POLI: variants seen among roughly 807,000 people sequenced by gnomAD.
The protein encoded by POLI is RAD30 homolog B.
A neutral mutation model predicts 51.6 loss-of-function variants in POLI; 58 were observed. The observed-to-expected ratio is 1.12, with a 90% CI of 0.91 to 1.40. The LOEUF is 1.40. Among genes scored for constraint, POLI ranks in the 40% most tolerant of loss-of-function variants. The probability of loss-of-function intolerance (pLI) is 0.00; values close to 1 mark genes in which losing one functional copy is unlikely to be tolerated. For missense variants in POLI, 921 were observed against 871.3 expected, an observed-to-expected ratio of 1.06 and a Z score of -0.72; for synonymous variants, 322 against 299.7, an observed-to-expected ratio of 1.07 and a Z score of -0.77.
chr18:54,310,296 C>G (rs1378695922), intron 3 of POLI, among the ~76,000 whole-genome samples: 3 of 152,156 alleles, frequency 2.0e-5, no homozygotes, highest in African/African-American at 7.2e-5. Flanking sequence ...GAAGATAGTC[C>G]TTCAAGGTTC....
Position 54,294,768 on chromosome 18 carries a change from A to T in POLI, c.*301A>T. ...AATTGGTGGGGAGATGTATATGTTT[A>T]TATATAAAAAATAGCCAAATCGTTG... On this transcript the variant is annotated 3_prime_UTR_variant, in exon 10 of 10. Coordinates refer to ENST00000579534, the MANE Select transcript of POLI (RefSeq NM_007195.3). The T allele has an allele frequency of 1.3e-5, 13 of 990,944 alleles. No homozygotes were observed. The highest frequency in any genetic ancestry group is 1.6e-5 in the Non-Finnish European group (13 of 828,388). The allele number at this position is 990,944 out of a possible 1,614,324, so 61.4% of individuals were successfully genotyped here.
chr18:54,292,144 C>G (rs1440973241), intron 9 of POLI, 106 bp downstream of exon 9: 1 of 698,436 alleles, frequency 1.4e-6, no homozygotes, highest in Non-Finnish European at 2.4e-6. Context: ...TTTAGAGATT[C>G]TTTTGGGTGA....
chr18:54,287,353 T>C lies in POLI; in HGVS notation c.1140T>C (p.Tyr380=), dbSNP rs764357348. The C allele has an allele frequency of 6.2e-6, 10 of 1,600,656 alleles. No individual in the cohort carries two copies. Among genetic ancestry groups the C allele is most frequent in the South Asian group, 1.1e-5 (1 of 89,352 alleles). The part of the protein sequence containing the change: ...IIRRYSSEKH[Y]GRESRQCPIP... The stretch of plus-strand genomic sequence containing the variant: ...GTCGGTATTCCTCTGAGAAGCACTA[T>C]GGTCGTGAGAGTCGTCAGTGCCCTA... The change falls in exon 8 of 10, where the codon TAT becomes TAC. Residue 380 remains tyrosine, a synonymous_variant. Coordinates refer to ENST00000579534, the MANE Select transcript of POLI (RefSeq NM_007195.3).
chr18:54,319,553 GA>G (rs2088770741), intron 3 of POLI, among the ~76,000 whole-genome samples: 1 of 152,090 alleles, frequency 6.6e-6, no homozygotes, highest in Admixed American at 6.6e-5. Flanking sequence ...AAGATTTATA[GA>G]AAAATCTAAG....
intron 3 of POLI, among the ~76,000 whole-genome samples, chr18:54,274,375 A>C (rs1230746444): frequency 6.6e-6 from 1 of 152,078 alleles, no homozygotes; most frequent in Non-Finnish European, 1.5e-5. Flanking sequence ...AGAAAATGGG[A>C]AACTGTACTG....
chr18:54,303,924 C>T (rs12955457), intron 3 of POLI, among the ~76,000 whole-genome samples: 49,767 of 149,532 alleles, frequency 0.33, 9,538 homozygotes, highest in East Asian at 0.64. Flanking sequence ...CCCCCCACCC[C>T]ACAATGGCCC....
chr18:54,274,122 T>C (rs1456201842), intron 3 of POLI, 32 bp downstream of exon 3: 1 of 1,202,638 alleles, frequency 8.3e-7, no homozygotes, highest in South Asian at 2.7e-5. Flanking sequence ...CTTTTAGCAT[T>C]AATTTTTATG....
chr18:54,283,029 C>A lies in POLI; in HGVS notation c.975+14C>A, dbSNP rs567066701. 4 of 1,531,804 alleles carry A rather than the reference C, an allele frequency of 2.6e-6. No individual in the cohort carries two copies. Among genetic ancestry groups the A allele is most frequent in the Non-Finnish European group, 2.7e-6 (3 of 1,117,786 alleles). 94.9% of individuals were successfully genotyped at this position (1,531,804 alleles called of 1,614,324 possible). A position where few individuals can be genotyped will look rare whatever the true frequency, so the allele number is the denominator to read the frequency against. On this transcript the variant is annotated intron_variant, in intron 6 of 9. Transcript: ENST00000579534. ...GGACCACCTCAGGTACATGATGATA[C>A]TTATTTTAATTAAGTACTGGTTATC... is the stretch of plus-strand genomic sequence containing the variant.
rs755459259 is a variant in POLI at position 54,291,924 on chromosome 18, T to A, written c.1290T>A (p.Leu430=). The A allele has an allele frequency of 6.2e-7, 1 of 1,609,370 alleles. No individual in the cohort carries two copies. The highest frequency in any genetic ancestry group is 1.3e-5 in the African/African-American group (1 of 74,804). The change falls in exon 9 of 10, where the codon CTT becomes CTA. Residue 430 remains leucine, a synonymous_variant. Transcript: ENST00000579534. ...VNVKMPFHLT[L]LSVCFCNLKA... ...TGAAGATGCCATTTCACCTTACCCT[T>A]CTAAGTGTGTGCTTCTGCAACCTTA...
At chr18:54,281,002 G>T (rs2087475526) in intron 5 of POLI, 99 bp downstream of exon 5, 2 of 678,692 alleles carry the variant, frequency 2.9e-6, no homozygotes, top group South Asian at 4.4e-5. Flanking sequence ...AGGTAGAGTT[G>T]TCTGTGAGTT....
At chr18:54,315,046 T>C (rs2088715448) in intron 3 of POLI, among the ~76,000 whole-genome samples, 1 of 152,164 alleles carries the variant, frequency 6.6e-6, no homozygotes, top group African/African-American at 2.4e-5. Flanking sequence ...TTCCTCTTCA[T>C]GTAATGTTAG....
chr18:54,281,143 G>A (rs1313611694), intron 5 of POLI, among the ~76,000 whole-genome samples: 1 of 152,062 alleles, frequency 6.6e-6, no homozygotes, highest in African/African-American at 2.4e-5. Flanking sequence ...CTTTTGTATG[G>A]TTAGAATATG....
rs2144597030 is a variant in POLI at position 54,293,804 on chromosome 18, C to T, written c.1560C>T (p.Leu520=). 1 of 1,608,078 alleles carries T rather than the reference C, an allele frequency of 6.2e-7. No individual in the cohort carries two copies. Among genetic ancestry groups the T allele is most frequent in the Non-Finnish European group, 8.5e-7 (1 of 1,176,578 alleles). ...AAAAAGACATTAATGAATTCCCACTCTGTTCACTTCCTGAAGGTGTTGACC... is the reference window on the plus strand; with the variant it reads ...AAAAAGACATTAATGAATTCCCACTTTGTTCACTTCCTGAAGGTGTTGACC... The part of the protein sequence containing the change: ...SKEKDINEFP[L]CSLPEGVDQE... Residue 520 remains leucine, a synonymous_variant, in exon 10 of 10, where the codon CTC becomes CTT. Transcript: ENST00000579534.
Position 54,293,793 on chromosome 18 carries a change from G to A in POLI, c.1549G>A (p.Glu517Lys). ...TTTTTCTAAAGAAAAAGACATTAATGAATTCCCACTCTGTTCACTTCCTGA... is the reference window on the plus strand; with the variant it reads ...TTTTTCTAAAGAAAAAGACATTAATAAATTCCCACTCTGTTCACTTCCTGA... ...TNFSKEKDIN[E>K]FPLCSLPEGV... The change falls in exon 10 of 10, where the codon GAA becomes AAA. Residue 517 changes from glutamate (E) to lysine (K), a missense_variant. Transcript: ENST00000579534. The A allele has an allele frequency of 1.2e-6, 2 of 1,606,818 alleles. No individual in the cohort carries two copies. The highest frequency in any genetic ancestry group is 2.2e-5 in the South Asian group (2 of 90,010).
At position 54,282,796 on chromosome 18, in the gene POLI, G is replaced by T. The variant is rs772911526; in HGVS notation, c.797-41G>T. 7.3e-6 allele frequency: 8 copies of T among 1,095,714 alleles called. No homozygotes were observed. The African/African-American group carries it at 1.1e-4, about 15-fold the overall frequency. 67.9% of individuals were successfully genotyped at this position (1,095,714 alleles called of 1,614,324 possible). ...ATTTTAATTAGCTTTGTTTTAAGGA[G>T]AAAAGCTATTTTAACATTGTATGCA... is the stretch of plus-strand genomic sequence containing the variant. On this transcript the variant is annotated intron_variant, in intron 5 of 9. Coordinates refer to ENST00000579534, the MANE Select transcript of POLI (RefSeq NM_007195.3).
intron 3 of POLI, among the ~76,000 whole-genome samples, chr18:54,313,828 T>A (rs2144649569): frequency 6.6e-6 from 1 of 152,322 alleles, no homozygotes; most frequent in East Asian, 1.9e-4. Context: ...TTGCTGAAGT[T>A]ATCAGATATA....
At position 54,274,071 on chromosome 18, in the gene POLI, A is replaced by G. The variant is rs745842307; in HGVS notation, c.387A>G (p.Glu129=). ...VNGEDLTRYR[E]MSYKVTELLE... ...GAGAAGACCTGACCCGCTACAGAGA[A>G]ATGTCTTATAAGGTTACAGGTACAA... The change falls in exon 3 of 10, where the codon GAA becomes GAG. Residue 129 remains glutamate (E), a synonymous_variant. Coordinates refer to ENST00000579534, the MANE Select transcript of POLI (RefSeq NM_007195.3). 2 of 1,485,800 alleles carry G rather than the reference A, an allele frequency of 1.3e-6. No individual in the cohort carries two copies. Among genetic ancestry groups the G allele is most frequent in the African/African-American group, 2.9e-5 (2 of 70,018 alleles). 92.0% of individuals were successfully genotyped at this position (1,485,800 alleles called of 1,614,324 possible). A position where few individuals can be genotyped will look rare whatever the true frequency, so the allele number is the denominator to read the frequency against.
chr18:54,293,564 G>T, intron 9 of POLI, 85 bp from the exon 10 acceptor site: 1 of 946,342 alleles, frequency 1.1e-6, no homozygotes, highest in Non-Finnish European at 1.5e-6. Context: ...AAACATGTCA[G>T]ATAATAGCTA....
chr18:54,299,100 T>C (rs1240391115), downstream of POLI, among the ~76,000 whole-genome samples: 1 of 152,196 alleles, frequency 6.6e-6, no homozygotes, highest in Non-Finnish European at 1.5e-5. Flanking sequence ...GCAACTCACG[T>C]TGGCCTACAG....
Sources: gnomAD v4.1 joint callset for allele counts (sites outside exome capture counted in the v4.1 genomes callset) on GRCh38, gnomAD v4.1.1 for gene constraint, MANE v1.5 for transcripts, NCBI Gene and HGNC (gene_info 2026-07-23, HGNC 2026-07-21) for gene names.